STK26: variants seen among roughly 807,000 people sequenced by gnomAD.
STK26 encodes the protein serine/threonine-protein kinase 26.
In STK26, 14 loss-of-function variants were observed where a neutral mutation model predicts 34.7. The ratio of observed to expected loss-of-function variants is 0.40; its 90% CI spans 0.27 to 0.63. The LOEUF (loss-of-function observed/expected upper bound fraction) is 0.63, where lower values mean the gene tolerates loss of function less well. Ranked by LOEUF, STK26 falls within the 30% of genes least tolerant of loss-of-function variation. The probability of loss-of-function intolerance (pLI) is 0.38; values close to 1 mark genes in which losing one functional copy is unlikely to be tolerated. For missense variants in STK26, 226 were observed against 309.1 expected, an observed-to-expected ratio of 0.73 and a Z score of 2.02; for synonymous variants, 100 against 109.8, an observed-to-expected ratio of 0.91 and a Z score of 0.56.
intron 2 of STK26, among the ~76,000 whole-genome samples, chrX:132,026,027 C>G (rs1053529053): frequency 9.0e-6 from 1 of 111,560 alleles, no homozygotes; most frequent in Non-Finnish European, 1.9e-5. Context: ...AGGTAGCCGA[C>G]CAGCCTATAA....
chrX:132,053,894 G>T (rs1926769086), intron 2 of STK26, among the ~76,000 whole-genome samples: 1 of 112,099 alleles, frequency 8.9e-6, no homozygotes, highest in Admixed American at 9.4e-5. Context: ...TCTACGTCAT[G>T]CCTATACATT....
At chrX:132,038,405 A>G (rs1035871995) in intron 2 of STK26, among the ~76,000 whole-genome samples, 1 of 111,529 alleles carries the variant, frequency 9.0e-6, no homozygotes, top group Admixed American at 9.5e-5. Context: ...ATGTCTAAAG[A>G]GTCTTTTTCG....
intron 3 of STK26, 32 bp downstream of exon 3, chrX:132,054,893 A>G: frequency 1.8e-6 from 2 of 1,094,198 alleles, no homozygotes; most frequent in Non-Finnish European, 2.5e-6. Context: ...TTAAGTCATA[A>G]GGTATTTTCA....
At chrX:132,052,368 A>G (rs1926721174) in intron 2 of STK26, among the ~76,000 whole-genome samples, 1 of 111,643 alleles carries the variant, frequency 9.0e-6, no homozygotes, top group African/African-American at 3.3e-5. Flanking sequence ...TCTTGTTTTC[A>G]TAGTTCCCTC....
At chrX:132,043,950 G>A (rs1467383010) in intron 2 of STK26, among the ~76,000 whole-genome samples, 1 of 111,789 alleles carries the variant, frequency 8.9e-6, no homozygotes, top group African/African-American at 3.3e-5. Context: ...TTGTGACTTC[G>A]CAAAGTTTTT....
intron 2 of STK26, among the ~76,000 whole-genome samples, chrX:132,027,696 A>C (rs1309848918): frequency 9.0e-6 from 1 of 111,240 alleles, no homozygotes; most frequent in Non-Finnish European, 1.9e-5. Flanking sequence ...AATGCCAGGG[A>C]AGGATTTTGG....
Position 132,074,223 on chromosome X carries a change from T to C in STK26, c.*64T>C. On this transcript the variant is annotated 3_prime_UTR_variant, in exon 12 of 12. Transcript: ENST00000394334. ...GAGCCCCACCAAACCTACGTCAAGA[T>C]TAACAATGCTTAACCCATGAGCTCC... 9.5e-7 allele frequency: 1 copy of C among 1,057,699 alleles called. No homozygotes were observed. The highest frequency in any genetic ancestry group is 2.4e-5 in the Admixed American group (1 of 41,077). 87.2% of individuals were successfully genotyped at this position (1,057,699 alleles called of 1,213,427 possible). A position where few individuals can be genotyped will look rare whatever the true frequency, so the allele number is the denominator to read the frequency against.
chrX:132,027,043 T>C, intron 2 of STK26, among the ~76,000 whole-genome samples: 3 of 112,418 alleles, frequency 2.7e-5, no homozygotes, highest in African/African-American at 9.7e-5. Flanking sequence ...TTGTTAAAAC[T>C]AGCACATGAA....
chrX:132,063,582 C>A, intron 4 of STK26, 93 bp downstream of exon 4: 1 of 806,092 alleles, frequency 1.2e-6, no homozygotes, highest in Non-Finnish European at 1.8e-6. Flanking sequence ...CTTTTGAGCA[C>A]GCTAAGTGGT....
intron 3 of STK26, among the ~76,000 whole-genome samples, chrX:132,057,519 A>C (rs1463453504): frequency 9.1e-6 from 1 of 110,258 alleles, no homozygotes; most frequent in Non-Finnish European, 1.9e-5. Context: ...ATCCTTCCAG[A>C]GTTACTTGGG....
At chrX:132,049,246 C>T (rs746194808) in intron 2 of STK26, among the ~76,000 whole-genome samples, 8 of 112,082 alleles carry the variant, frequency 7.1e-5, no homozygotes, top group Non-Finnish European at 1.1e-4. Flanking sequence ...CTCAGCCTCC[C>T]AAAGTGCTGG....
At chrX:132,061,181 T>C (rs1472717689) in intron 3 of STK26, among the ~76,000 whole-genome samples, 1 of 112,324 alleles carries the variant, frequency 8.9e-6, no homozygotes, top group Non-Finnish European at 1.9e-5. Flanking sequence ...AAGATCTTTT[T>C]CTTTTAAATG....
At chrX:132,045,876 A>G (rs1486315419) in intron 2 of STK26, among the ~76,000 whole-genome samples, 1 of 112,196 alleles carries the variant, frequency 8.9e-6, no homozygotes, top group East Asian at 2.8e-4. Flanking sequence ...TCCAAAGATG[A>G]TTTACCTGGT....
chrX:132,035,749 C>T (rs1044441981), intron 2 of STK26, among the ~76,000 whole-genome samples: 4 of 106,277 alleles, frequency 3.8e-5, no homozygotes, highest in African/African-American at 1.4e-4. Context: ...ATTTCCCCCA[C>T]AGGTAGAGAT....
intron 6 of STK26, 25 bp from the exon 7 acceptor site, chrX:132,069,449 ATATT>A (rs1328040628): frequency 3.9e-5 from 6 of 155,253 alleles, no homozygotes; most frequent in East Asian, 1.4e-4. Context: ...ATATATATAT[ATATT>A]ATTTTCTTTT....
chrX:132,028,278 T>A (rs1417249344), intron 2 of STK26, among the ~76,000 whole-genome samples: 1 of 110,754 alleles, frequency 9.0e-6, no homozygotes, highest in East Asian at 2.8e-4. Context: ...TTACCAGGCT[T>A]AATAATTAGC....
chrX:132,045,857 G>T (rs1413985933), intron 2 of STK26, among the ~76,000 whole-genome samples: 11 of 111,871 alleles, frequency 9.8e-5, no homozygotes, highest in Admixed American at 6.6e-4. Flanking sequence ...TCACTTAAAA[G>T]GGCTTATATC....
chrX:132,059,749 G>T (rs1348219885), intron 3 of STK26, among the ~76,000 whole-genome samples: 1 of 109,673 alleles, frequency 9.1e-6, no homozygotes, highest in African/African-American at 3.3e-5. Context: ...GTATGTTAAG[G>T]AAATATTGCC....
At chrX:132,060,995 G>A (rs904839852) in intron 3 of STK26, among the ~76,000 whole-genome samples, 2 of 111,654 alleles carry the variant, frequency 1.8e-5, no homozygotes, top group East Asian at 5.6e-4. Context: ...ATGCTTAATG[G>A]TATATACTAC....
Sources: gnomAD v4.1 joint callset for allele counts (sites outside exome capture counted in the v4.1 genomes callset) on GRCh38, gnomAD v4.1.1 for gene constraint, MANE v1.5 for transcripts, NCBI Gene and HGNC (gene_info 2026-07-23, HGNC 2026-07-21) for gene names.